TRPM7: variants seen among roughly 807,000 people sequenced by gnomAD.
TRPM7 encodes the protein LTRPC ion channel family member 7.
Under a neutral mutation model 229.7 loss-of-function variants are expected in TRPM7, and 134 were observed. The ratio of observed to expected loss-of-function variants is 0.58; its 90% CI spans 0.51 to 0.67. The LOEUF is 0.67. Among genes scored for constraint, TRPM7 ranks in the 30% least tolerant of loss-of-function variants. The pLI, the probability that TRPM7 is intolerant of heterozygous loss-of-function variation, is 0.00. For synonymous variants in TRPM7, 699 were observed against 715.2 expected (o/e 0.98, Z 0.36); for missense variants, 1,901 against 2,210.0 (o/e 0.86, Z 2.80).
At chr15:50,575,221 A>G in intron 33 of TRPM7, 86 bp from the exon 34 acceptor site, 1 of 1,180,718 alleles carries the variant, frequency 8.5e-7, no homozygotes, top group South Asian at 1.7e-5. Context: ...GGCATCTTTG[A>G]TTAAGGAACA....
chr15:50,659,994 ACAT>A (rs1489099780), intron 2 of TRPM7, among the ~76,000 whole-genome samples: 1 of 152,106 alleles, frequency 6.6e-6, no homozygotes, highest in Non-Finnish European at 1.5e-5. Context: ...ATAAAGCAAA[ACAT>A]CAATTTCTCC....
At position 50,648,825 on chromosome 15, in the gene TRPM7, T is replaced by C. The variant is rs930633044; in HGVS notation, c.183A>G (p.Lys61=). 6 of 1,613,098 alleles carry C rather than the reference T, an allele frequency of 3.7e-6. No homozygotes were observed. The highest frequency in any genetic ancestry group is 5.1e-6 in the Non-Finnish European group (6 of 1,179,488). The change falls in exon 4 of 39, where the codon AAA becomes AAG. Residue 61 remains lysine, a synonymous_variant. Transcript: ENST00000646667. ...HACFTASLAM[K]YSDVKLGDHF... ...GGTCACCCAATTTCACATCTGAGTATTTCATGGCAAGACTTGCAGTAAAAC... is the reference window on the plus strand; with the variant it reads ...GGTCACCCAATTTCACATCTGAGTACTTCATGGCAAGACTTGCAGTAAAAC...
chr15:50,617,516 T>C (rs551191588), intron 13 of TRPM7, among the ~76,000 whole-genome samples: 185 of 150,492 alleles, frequency 1.2e-3, no homozygotes, highest in Non-Finnish European at 2.1e-3. Flanking sequence ...AAAAAAAAAA[T>C]TTTAAGTATA....
At chr15:50,596,984 G>A (rs1369328724) in intron 22 of TRPM7, among the ~76,000 whole-genome samples, 2 of 152,094 alleles carry the variant, frequency 1.3e-5, no homozygotes, top group African/African-American at 2.4e-5. Flanking sequence ...TCCTGACCTC[G>A]TGATCTGTCA....
chr15:50,561,276 T>C lies in TRPM7; in HGVS notation c.*402A>G, dbSNP rs73408913. ...GCCATTTAACCAAAAGGCTGCGTGA[T>C]TTCTTCATTTCCCTAGTTGAATGGC... On this transcript the variant is annotated 3_prime_UTR_variant, in exon 39 of 39. Transcript: ENST00000646667. The C allele has an allele frequency of 4.9e-3, 776 of 159,018 alleles. 2 individuals carry two copies. The highest frequency in any genetic ancestry group is 0.017 in the African/African-American group (730 of 41,744). 9.9% of individuals were successfully genotyped at this position (159,018 alleles called of 1,614,324 possible). A position where few individuals can be genotyped will look rare whatever the true frequency, so the allele number is the denominator to read the frequency against.
intron 28 of TRPM7, among the ~76,000 whole-genome samples, chr15:50,585,183 T>C (rs1287863302): frequency 6.7e-6 from 1 of 148,576 alleles, no homozygotes; most frequent in East Asian, 2.1e-4. Context: ...TGCCTCAGCC[T>C]CCCGAGTAGC....
intron 2 of TRPM7, among the ~76,000 whole-genome samples, chr15:50,662,689 G>A (rs1442713220): frequency 6.6e-6 from 1 of 152,114 alleles, no homozygotes; most frequent in Non-Finnish European, 1.5e-5. Flanking sequence ...CCTTACCTTT[G>A]TAAAACACTA....
intron 9 of TRPM7, among the ~76,000 whole-genome samples, chr15:50,631,992 T>C (rs1166912999): frequency 6.6e-6 from 1 of 152,164 alleles, no homozygotes; most frequent in Non-Finnish European, 1.5e-5. Context: ...GAAATTGTAA[T>C]TTAATAACAT....
At chr15:50,670,164 C>T (rs2061958563) in intron 1 of TRPM7, among the ~76,000 whole-genome samples, 1 of 152,116 alleles carries the variant, frequency 6.6e-6, no homozygotes, top group Admixed American at 6.6e-5. Flanking sequence ...TCACCCCATT[C>T]AGCAAGAAGA....
intron 10 of TRPM7, among the ~76,000 whole-genome samples, chr15:50,629,858 C>T (rs1220652640): frequency 1.7e-5 from 2 of 118,664 alleles, no homozygotes; most frequent in East Asian, 5.7e-4. Flanking sequence ...CTCTTTTTAA[C>T]CTTTTTTTTT....
intron 2 of TRPM7, among the ~76,000 whole-genome samples, chr15:50,658,894 G>A (rs1273503026): frequency 3.3e-5 from 5 of 152,146 alleles, no homozygotes; most frequent in Admixed American, 1.3e-4. Flanking sequence ...TAAATAGGCT[G>A]CAACAATTAA....
At chr15:50,642,737 T>C (rs1264424004) in intron 5 of TRPM7, among the ~76,000 whole-genome samples, 1 of 152,190 alleles carries the variant, frequency 6.6e-6, no homozygotes, top group Non-Finnish European at 1.5e-5. Flanking sequence ...CAGTTCTTTA[T>C]AGCAGTATGA....
At chr15:50,641,250 T>C (rs1214603940) in intron 5 of TRPM7, among the ~76,000 whole-genome samples, 2 of 152,184 alleles carry the variant, frequency 1.3e-5, no homozygotes, top group Non-Finnish European at 2.9e-5. Flanking sequence ...TGCGATGAAC[T>C]GCCTACTGCC....
At chr15:50,622,006 G>A (rs2060421325) in intron 12 of TRPM7, among the ~76,000 whole-genome samples, 1 of 143,960 alleles carries the variant, frequency 6.9e-6, no homozygotes, top group South Asian at 2.2e-4. Flanking sequence ...CTCCAGCCTG[G>A]ATGACAAGAG....
rs779728122 is a variant in TRPM7, at chr15:50,605,045, T to G, written c.2809A>C (p.Ile937Leu). Residue 937 changes from isoleucine (I) to leucine (L), a missense_variant, in exon 21 of 39, where the codon ATT (isoleucine) becomes CTT (leucine). By Grantham distance (5) the Ile-to-Leu change is conservative. Coordinates refer to ENST00000646667, the MANE Select transcript of TRPM7 (RefSeq NM_017672.6). Reference sequence around the variant, plus strand: ...GCTCCAAATCTTAGTCCAAATCCAATGAAGAAAGAAATTATGGCAATTGTA... The same window carrying G: ...GCTCCAAATCTTAGTCCAAATCCAAGGAAGAAAGAAATTATGGCAATTGTA... ...SDTIAIISFF[I>L]GFGLRFGAKW... 2 of 1,613,868 alleles carry G rather than the reference T, an allele frequency of 1.2e-6. No individual in the cohort carries two copies. The highest frequency in any genetic ancestry group is 3.3e-5 in the Admixed American group (2 of 59,994).
chr15:50,618,064 C>T (rs927949574), intron 13 of TRPM7, among the ~76,000 whole-genome samples: 3 of 151,884 alleles, frequency 2.0e-5, no homozygotes, highest in Non-Finnish European at 4.4e-5. Context: ...GATATTTTAA[C>T]CAAATAAATA....
At position 50,643,458 on chromosome 15, in the gene TRPM7, T is replaced by A. The variant is rs773231540; in HGVS notation, c.417A>T (p.Val139=). ...GCTCAAATTTCTGCATGCCCCCATG[T>A]ACAGAGATAACAAGTTTGGGTAACT... ...QMELPKLVIS[V]HGGMQKFELH... The change falls in exon 5 of 39, where the codon GTA becomes GTT. Residue 139 remains valine, a synonymous_variant. Transcript: ENST00000646667. 1.2e-6 allele frequency: 2 copies of A among 1,614,168 alleles called. No homozygotes were observed. Among genetic ancestry groups the A allele is most frequent in the Non-Finnish European group, 1.7e-6 (2 of 1,180,018 alleles).
intron 20 of TRPM7, 34 bp from the exon 21 acceptor site, chr15:50,605,178 T>C (rs1322205782): frequency 1.3e-6 from 2 of 1,524,820 alleles, no homozygotes; most frequent in South Asian, 2.6e-5. Flanking sequence ...AAAAGTGTAA[T>C]CAGTTTATTC....
At chr15:50,573,677 A>T (rs1374141841) in intron 36 of TRPM7, among the ~76,000 whole-genome samples, 2 of 152,258 alleles carry the variant, frequency 1.3e-5, no homozygotes, top group African/African-American at 4.8e-5. Flanking sequence ...AACGGTCTTT[A>T]TACTTTTGAA....
Sources: allele counts gnomAD v4.1 joint callset (sites outside exome capture counted in the v4.1 genomes callset), GRCh38; gene constraint gnomAD v4.1.1; transcripts MANE v1.5; gene names NCBI Gene and HGNC (gene_info 2026-07-23, HGNC 2026-07-21).